Variants in EIF3A observed in about 807,000 individuals in gnomAD.
EIF3A encodes EIF3, p180 subunit.
Under a neutral mutation model 186.6 loss-of-function variants are expected in EIF3A, and 21 were observed. The observed-to-expected ratio is 0.11, with a 90% CI of 0.08 to 0.16. The LOEUF (loss-of-function observed/expected upper bound fraction) is 0.16, where lower values mean the gene tolerates loss of function less well. Among genes scored for constraint, EIF3A ranks in the 10% least tolerant of loss-of-function variants. EIF3A has a pLI of 1.00. For missense variants in EIF3A, 1,306 were observed against 1,796.3 expected, an observed-to-expected ratio of 0.73 and a Z score of 4.93; for synonymous variants, 563 against 584.3, an observed-to-expected ratio of 0.96 and a Z score of 0.52.
chr10:119,040,640 G>A (rs528601039), intron 19 of EIF3A, among the ~76,000 whole-genome samples: 99 of 152,320 alleles, frequency 6.5e-4, no homozygotes, highest in Non-Finnish European at 1.3e-3. Flanking sequence ...GGAGGCCGAG[G>A]TGGGTGGATC....
At chr10:119,050,483 T>C in intron 16 of EIF3A, 38 bp downstream of exon 16, 2 of 1,591,650 alleles carry the variant, frequency 1.3e-6, no homozygotes, top group Non-Finnish European at 1.7e-6. Context: ...ACACCAACCT[T>C]GCATTAGCAC....
chr10:119,065,415 C>A lies in EIF3A; in HGVS notation c.1106G>T (p.Gly369Val). 6.2e-7 allele frequency: 1 copy of A among 1,612,082 alleles called. No individual in the cohort carries two copies. The highest frequency in any genetic ancestry group is 8.5e-7 in the Non-Finnish European group (1 of 1,178,978). ...LGLQAPPTRI[G>V]LINDMVRFNV... ...AATACTAACCATATCATTAATAAGG[C>A]CAATTCGTGTCGGTGGGGCTTGAAG... The change falls in exon 7 of 22, where the codon GGC (glycine) becomes GTC (valine). Residue 369 changes from glycine (G) to valine (V), a missense_variant. This residue lies in a region of EIF3A where 267 missense variants were observed against 367.8 expected (regional missense o/e 0.73). Transcript: ENST00000369144.
At position 119,073,636 on chromosome 10, in the gene EIF3A, T is replaced by C. The variant is rs996887149; in HGVS notation, c.241-59A>G. ...ATTTTTCCATTGAACCATAAGATGT[T>C]TTAAAGGCAAATTTTTAAGAGAAAT... On this transcript the variant is annotated intron_variant, in intron 2 of 21. Transcript: ENST00000369144. The C allele has an allele frequency of 7.0e-6, 11 of 1,580,592 alleles. No individual in the cohort carries two copies. In the African/African-American group the frequency reaches 1.2e-4, roughly 18 times the overall value.
At chr10:119,068,464 C>T (rs1844014763) in intron 6 of EIF3A, among the ~76,000 whole-genome samples, 1 of 149,418 alleles carries the variant, frequency 6.7e-6, no homozygotes, top group South Asian at 2.1e-4. Flanking sequence ...CATCTGAGGA[C>T]AGGAGTTCGA....
intron 1 of EIF3A, among the ~76,000 whole-genome samples, chr10:119,075,711 CTTTTTT>C (rs58392465): frequency 1.5e-4 from 10 of 65,292 alleles, no homozygotes; most frequent in East Asian, 9.8e-4. Context: ...TGGAAAAAGA[CTTTTTT>C]TTTTTTTTTT....
At chr10:119,036,692 T>C (rs1848133874) in intron 21 of EIF3A, among the ~76,000 whole-genome samples, 1 of 152,134 alleles carries the variant, frequency 6.6e-6, no homozygotes, top group African/African-American at 2.4e-5. Context: ...CATAACAGGA[T>C]GTCAAGACAT....
chr10:119,049,676 C>CG lies in EIF3A; in HGVS notation c.2658+124dup, dbSNP rs1355097850. 76 of 763,308 alleles carry CG rather than the reference C, an allele frequency of 1.0e-4. 2 individuals are homozygous for CG. In the South Asian group the frequency reaches 1.2e-3, roughly 12 times the overall value. 47.3% of individuals were successfully genotyped at this position (763,308 alleles called of 1,614,324 possible). ...CTGAGACACGAGAATCACTTGAACC[C>CG]GGGGGCTGAGATTGCACCACTGTAC... On this transcript the variant is annotated intron_variant, in intron 17 of 21. Transcript: ENST00000369144.
intron 17 of EIF3A, among the ~76,000 whole-genome samples, chr10:119,046,669 T>A (rs1848286625): frequency 6.6e-6 from 1 of 152,124 alleles, no homozygotes; most frequent in African/African-American, 2.4e-5. Context: ...TAGGAAAAAA[T>A]TAATGGTGGC....
intron 7 of EIF3A, among the ~76,000 whole-genome samples, chr10:119,064,802 G>A (rs1843945532): frequency 6.6e-6 from 1 of 152,150 alleles, no homozygotes; most frequent in Admixed American, 6.5e-5. Flanking sequence ...CCGCCTCCCG[G>A]GTTCCAGCGA....
At position 119,076,199 on chromosome 10, in the gene EIF3A, G is replaced by A. The variant is rs114270763; in HGVS notation, c.50-2262C>T. Among the ~76,000 whole-genome samples the A allele has an allele frequency of 2.6e-3, 394 of 151,436 alleles. 2 individuals are homozygous for A. Among genetic ancestry groups the A allele is most frequent in the African/African-American group, 9.2e-3 (379 of 41,336 alleles). On this transcript the variant is annotated intron_variant, in intron 1 of 21. Coordinates refer to ENST00000369144, the MANE Select transcript of EIF3A (RefSeq NM_003750.4). ...TACAAAAAATTAGCTGGGCCATGGT[G>A]ATGCACGCCCGTAATCCTAGCTACT...
chr10:119,073,118 C>T, intron 3 of EIF3A, 65 bp from the exon 4 acceptor site: 2 of 1,471,446 alleles, frequency 1.4e-6, no homozygotes, highest in Non-Finnish European at 1.8e-6. Flanking sequence ...TGATTAAAAA[C>T]CAAAACAATG....
intron 9 of EIF3A, 122 bp downstream of exon 9, chr10:119,060,624 T>A: frequency 1.7e-6 from 1 of 604,986 alleles, no homozygotes; most frequent in Non-Finnish European, 2.8e-6. Context: ...AATAGACTAA[T>A]TTTTGCCAGG....
chr10:119,056,161 T>C (rs182596899), intron 14 of EIF3A, among the ~76,000 whole-genome samples: 7 of 152,366 alleles, frequency 4.6e-5, no homozygotes, highest in Non-Finnish European at 8.8e-5. Context: ...TTTGGTGCCG[T>C]AAGCATTTGT....
chr10:119,054,346 T>C (rs999602023), intron 14 of EIF3A, among the ~76,000 whole-genome samples: 2 of 152,154 alleles, frequency 1.3e-5, no homozygotes, highest in African/African-American at 2.4e-5. Flanking sequence ...CAATGAAACT[T>C]TTTCCATATC....
chr10:119,080,800 C>A lies in EIF3A; in HGVS notation c.-124G>T. On this transcript the variant is annotated 5_prime_UTR_variant, in exon 1 of 22. Coordinates refer to ENST00000369144, the MANE Select transcript of EIF3A (RefSeq NM_003750.4). The stretch of plus-strand genomic sequence containing the variant: ...TCGCCAGCAGTCGCCCGCGCCCAGC[C>A]GGCCAGAGACGGAAAGGAAGGAGCC... 1 of 1,424,446 alleles carries A rather than the reference C, an allele frequency of 7.0e-7. No individual in the cohort carries two copies. Among genetic ancestry groups the A allele is most frequent in the Non-Finnish European group, 9.2e-7 (1 of 1,086,340 alleles). The allele number at this position is 1,424,446 out of a possible 1,614,324, so 88.2% of individuals were successfully genotyped here.
chr10:119,063,487 G>C lies in EIF3A; in HGVS notation c.1122+1912C>G, dbSNP rs927418086. On this transcript the variant is annotated intron_variant, in intron 7 of 21. Transcript: ENST00000369144. ...CTCAGAATACATTTCAAAAATATCT[G>C]AGAGAGCCTGCCATTATCTTTTTGA... Among the ~76,000 whole-genome samples, 42 of 152,146 alleles carry C rather than the reference G, an allele frequency of 2.8e-4. 1 individual carries two copies. The highest frequency in any genetic ancestry group is 2.0e-4 in the Admixed American group (3 of 15,266).
rs1564755262 is a variant in EIF3A at position 119,059,730 on chromosome 10, A to G, written c.1327-12T>C. ...TAAATCTGTGACACCTGCATAGAAA[A>G]CAAAGGGTTAATAACACTAGCCACT... On this transcript the variant is annotated splice_polypyrimidine_tract_variant and intron_variant, in intron 9 of 21. Transcript: ENST00000369144. 1 of 1,560,812 alleles carries G rather than the reference A, an allele frequency of 6.4e-7. No homozygotes were observed. Among genetic ancestry groups the G allele is most frequent in the Non-Finnish European group, 8.8e-7 (1 of 1,131,476 alleles).
At chr10:119,059,834 G>T in intron 9 of EIF3A, 116 bp from the exon 10 acceptor site, 7 of 727,306 alleles carry the variant, frequency 9.6e-6, no homozygotes, top group Admixed American at 1.9e-5. Context: ...TATGTTAGCA[G>T]TACATTGTTA....
chr10:119,050,774 C>G (rs1355426341), intron 15 of EIF3A, 100 bp from the exon 16 acceptor site: 7 of 1,329,586 alleles, frequency 5.3e-6, no homozygotes, highest in African/African-American at 1.5e-5. Context: ...TCAAGTGTAT[C>G]AGAATCATCG....
Sources: gnomAD v4.1 joint callset for allele counts (sites outside exome capture counted in the v4.1 genomes callset) on GRCh38, gnomAD v4.1.1 for gene constraint, gnomAD v4.1.1 regional missense constraint, MANE v1.5 for transcripts, NCBI Gene and HGNC (gene_info 2026-07-23, HGNC 2026-07-21) for gene names.